Variants in RNF216 observed in about 807,000 individuals in gnomAD.
The protein encoded by RNF216 is ring finger protein 216.
RNF216 carries 72 observed loss-of-function variants against 110.8 expected under a neutral mutation model. The ratio of observed to expected loss-of-function variants is 0.65; its 90% confidence interval spans 0.54 to 0.79. The LOEUF (loss-of-function observed/expected upper bound fraction) is 0.79, where lower values mean the gene tolerates loss of function less well. RNF216 is among the 30% of genes least tolerant of loss of function. The pLI, the probability that RNF216 is intolerant of heterozygous loss-of-function variation, is 0.00. For synonymous variants in RNF216, 495 were observed against 407.5 expected, an observed-to-expected ratio of 1.21 and a Z score of -2.59; for missense variants, 1,342 against 1,141.2, an observed-to-expected ratio of 1.18 and a Z score of -2.54.
At chr7:5,718,957 C>G (rs1793239916) in intron 9 of RNF216, among the ~76,000 whole-genome samples, 1 of 152,130 alleles carries the variant, frequency 6.6e-6, no homozygotes, top group African/African-American at 2.4e-5. Context: ...TGTGCCTGGC[C>G]AGAAACGAAT....
At chr7:5,736,269 C>T (rs543483067) in intron 5 of RNF216, among the ~76,000 whole-genome samples, 127 of 152,138 alleles carry the variant, frequency 8.3e-4, no homozygotes, top group African/African-American at 2.7e-3. Flanking sequence ...AGGTGCGCGC[C>T]GCCACGCCTG....
chr7:5,653,673 T>G (rs1425402108), intron 13 of RNF216, among the ~76,000 whole-genome samples: 1 of 146,220 alleles, frequency 6.8e-6, no homozygotes, highest in African/African-American at 2.5e-5. Context: ...TAAATGGAAA[T>G]TATAACCCTA....
In RNF216 at chr7:5,657,885, T is replaced by C; in HGVS notation, c.2062-5375A>G. On this transcript the variant is annotated intron_variant, in intron 13 of 16. Coordinates refer to ENST00000389902, the MANE Select transcript of RNF216 (RefSeq NM_207111.4). Reference sequence around the variant, plus strand: ...GGTAGATTCAGTGAACTTTCTTTCCTTTTACTAAGGGAATCCAAGAACCTC... The same window carrying C: ...GGTAGATTCAGTGAACTTTCTTTCCCTTTACTAAGGGAATCCAAGAACCTC... Among the ~76,000 whole-genome samples the C allele has an allele frequency of 1.3e-5, 2 of 152,184 alleles. 1 individual carries two copies. Among genetic ancestry groups the C allele is most frequent in the South Asian group, 4.1e-4 (2 of 4,836 alleles).
intron 3 of RNF216, among the ~76,000 whole-genome samples, chr7:5,749,613 T>C (rs550402164): frequency 1.3e-5 from 2 of 152,338 alleles, no homozygotes; most frequent in East Asian, 3.9e-4. Context: ...ACCACAGCCA[T>C]TTTAAGTCTT....
intron 13 of RNF216, among the ~76,000 whole-genome samples, chr7:5,691,934 C>T (rs542637593): frequency 1.2e-4 from 19 of 152,316 alleles, no homozygotes; most frequent in African/African-American, 4.6e-4. Context: ...CCCCAGGGGC[C>T]GACAGTCAGG....
In RNF216 at chr7:5,699,050, T is replaced by TA. The variant is rs539465416; in HGVS notation, c.2061+12710dup. Among the ~76,000 whole-genome samples, 577 of 152,050 alleles carry TA rather than the reference T, an allele frequency of 3.8e-3. 2 individuals carry two copies. Among genetic ancestry groups the TA allele is most frequent in the African/African-American group, 0.013 (558 of 41,540 alleles). On this transcript the variant is annotated intron_variant, in intron 13 of 16. Transcript: ENST00000389902. ...GTTTTTGACTTGTTTTTTTTAAAAC[T>TA]AACTTTTTATTGTAGAAAATTTTAA...
chr7:5,715,794 T>C (rs1257246058), intron 10 of RNF216, among the ~76,000 whole-genome samples: 1 of 145,098 alleles, frequency 6.9e-6, no homozygotes, highest in Non-Finnish European at 1.5e-5. Context: ...CGAACTGGAG[T>C]GCAGTGGCAC....
Position 5,758,292 on chromosome 7 carries a change from T to A in RNF216, c.67+2711A>T, listed in dbSNP as rs560975862. 7.6e-4 allele frequency among the ~76,000 whole-genome samples: 116 copies of A among 152,308 alleles called. 2 individuals carry two copies. The East Asian group carries it at 0.021, about 28-fold the overall frequency. ...TGAATCCAATAAATTATGGCTACAA[T>A]CACTACCAAGTTAGAATACATTATT... On this transcript the variant is annotated intron_variant, in intron 2 of 16. Transcript: ENST00000389902.
At chr7:5,739,160 ATT>A in intron 5 of RNF216, 114 bp downstream of exon 5, 2 of 1,245,104 alleles carry the variant, frequency 1.6e-6, no homozygotes, top group East Asian at 5.7e-5. Context: ...AATAATGTGA[ATT>A]TACTTAACAA....
In RNF216 at chr7:5,678,830, G is replaced by A. The variant is rs974270704; in HGVS notation, c.2062-26320C>T. On this transcript the variant is annotated intron_variant, in intron 13 of 16. Coordinates refer to ENST00000389902, the MANE Select transcript of RNF216 (RefSeq NM_207111.4). Reference sequence around the variant, plus strand: ...CTCCACTTCATCAGGGAAGACATGAGAGCTGGACTGGATAAATTAAGAGGC... The same window carrying A: ...CTCCACTTCATCAGGGAAGACATGAAAGCTGGACTGGATAAATTAAGAGGC... 5.3e-5 allele frequency among the ~76,000 whole-genome samples: 8 copies of A among 152,212 alleles called. No individual in the cohort carries two copies. The South Asian group carries it at 1.0e-3, about 20-fold the overall frequency.
At chr7:5,718,834 G>C (rs1400817384) in intron 9 of RNF216, among the ~76,000 whole-genome samples, 15 of 152,048 alleles carry the variant, frequency 9.9e-5, no homozygotes, top group Admixed American at 9.8e-4. Flanking sequence ...TGGGATTACA[G>C]GCATGAGCCA....
At chr7:5,677,869 T>C (rs1410489709) in intron 13 of RNF216, among the ~76,000 whole-genome samples, 1 of 152,294 alleles carries the variant, frequency 6.6e-6, no homozygotes, top group East Asian at 1.9e-4. Context: ...GTAAGGGAGC[T>C]AGAAAAACAG....
intron 9 of RNF216, among the ~76,000 whole-genome samples, chr7:5,719,966 C>T (rs1358240841): frequency 2.6e-5 from 4 of 152,138 alleles, no homozygotes; most frequent in Admixed American, 6.5e-5. Flanking sequence ...ATGTTTCCAA[C>T]GGTCAAAACT....
chr7:5,640,127 G>A (rs1415058782), intron 15 of RNF216, among the ~76,000 whole-genome samples: 1 of 150,204 alleles, frequency 6.7e-6, no homozygotes, highest in African/African-American at 2.5e-5. Context: ...TGAACTCCTC[G>A]GCTCCAGCGA....
chr7:5,678,864 G>A (rs1367772144), intron 13 of RNF216, among the ~76,000 whole-genome samples: 1 of 152,238 alleles, frequency 6.6e-6, no homozygotes, highest in Non-Finnish European at 1.5e-5. Flanking sequence ...GCAAAGGTCT[G>A]CAGACAAGCT....
At chr7:5,641,123 T>C (rs763995228) in intron 15 of RNF216, 31 bp downstream of exon 15, 1 of 1,489,584 alleles carries the variant, frequency 6.7e-7, no homozygotes, top group Admixed American at 1.8e-5. Context: ...TTTCTCCCTA[T>C]AAAGCAATAG....
At chr7:5,775,992 C>T (rs948137348) in intron 1 of RNF216, among the ~76,000 whole-genome samples, 7 of 152,060 alleles carry the variant, frequency 4.6e-5, no homozygotes, top group South Asian at 2.1e-4. Context: ...TGTCTATAAA[C>T]GATTGTTTTT....
intron 1 of RNF216, among the ~76,000 whole-genome samples, chr7:5,772,846 C>T (rs1411806629): frequency 6.0e-5 from 9 of 149,176 alleles, no homozygotes; most frequent in African/African-American, 9.9e-5. Context: ...GGCACGATCT[C>T]GGCTCACTGC....
At chr7:5,738,084 C>T (rs1368178527) in intron 5 of RNF216, among the ~76,000 whole-genome samples, 1 of 50,554 alleles carries the variant, frequency 2.0e-5, no homozygotes, top group East Asian at 4.5e-4. Flanking sequence ...ATAAGACTGT[C>T]TCCAAAAAAA....
Sources: gnomAD v4.1 joint callset for allele counts (sites outside exome capture counted in the v4.1 genomes callset) on GRCh38, gnomAD v4.1.1 for gene constraint, MANE v1.5 for transcripts, NCBI Gene and HGNC (gene_info 2026-07-23, HGNC 2026-07-21) for gene names.